Variants in CLIC5 observed in about 807,000 individuals in gnomAD.
CLIC5 encodes the protein CLIC family member 5.
CLIC5 carries 20 observed loss-of-function variants against 24.7 expected under a neutral mutation model. That is an observed-to-expected ratio of 0.81 (90% CI 0.57 to 1.18). CLIC5 has a LOEUF of 1.18. CLIC5 is among the 50% of genes most tolerant of loss of function. The pLI is 0.00. For missense variants in CLIC5, 341 were observed against 326.1 expected (o/e 1.05, Z -0.35); for synonymous variants, 159 against 135.6 (o/e 1.17, Z -1.20).
intron 1 of CLIC5, among the ~76,000 whole-genome samples, chr6:46,067,806 G>A (rs979151797): frequency 6.6e-6 from 1 of 152,120 alleles, no homozygotes; most frequent in Admixed American, 6.5e-5. Context: ...TTGCATCAAG[G>A]GGGAAATATG....
intron 3 of CLIC5, among the ~76,000 whole-genome samples, chr6:45,944,864 G>A (rs1254526315): frequency 7.2e-5 from 11 of 152,120 alleles, no homozygotes; most frequent in Admixed American, 3.9e-4. Context: ...TTTTTCTCAC[G>A]AGCTGAAAAG....
chr6:46,079,424 T>A (rs542513574), intron 1 of CLIC5, among the ~76,000 whole-genome samples: 1 of 152,348 alleles, frequency 6.6e-6, no homozygotes, highest in East Asian at 1.9e-4. Context: ...TGGGCAGCAG[T>A]TATGGCTCAC....
Position 46,079,860 on chromosome 6 carries a change from C to T in CLIC5, c.383G>A (p.Gly128Glu), listed in dbSNP as rs1264703376. ...AGGCAGATCTTCCTTCATCACACTC[C>T]CATTCTCCTGGAGTTCTGCTGCGCA... Residue 128 changes from glycine (G) to glutamate (E), a missense_variant, in exon 1 of 6, where the codon GGG becomes GAG. Coordinates refer to the CLIC5 transcript ENST00000185206. The T allele has an allele frequency of 3.9e-6, 6 of 1,552,044 alleles. No individual in the cohort carries two copies. In the African/African-American group the frequency reaches 6.8e-5, roughly 18 times the overall value.
At chr6:46,111,649 A>G in the CLIC5 span, among the ~76,000 whole-genome samples, 9 of 152,158 alleles carry the variant, frequency 5.9e-5, no homozygotes, top group African/African-American at 2.2e-4. Flanking sequence ...ATCTAACAAC[A>G]TTTAACCCAA....
In CLIC5 at chr6:45,941,599, G is replaced by C. The variant is rs766523811; in HGVS notation, c.354C>G (p.Ile118Met). The C allele has an allele frequency of 1.2e-6, 2 of 1,613,998 alleles. No individual in the cohort carries two copies. The highest frequency in any genetic ancestry group is 2.2e-5 in the South Asian group (2 of 91,052). The change falls in exon 4 of 6, where the codon ATC becomes ATG. Residue 118 changes from isoleucine (I) to methionine (M), a missense_variant. Physicochemically the swap from Ile to Met is conservative, Grantham distance 10. Transcript: ENST00000339561. ...HRESNTAGID[I>M]FSKFSAYIKN... Reference sequence around the variant, plus strand: ...TGATGTAGGCAGAAAACTTGGAAAAGATGTCGATGCCCGCTGTGTTGGATT... The same window carrying C: ...TGATGTAGGCAGAAAACTTGGAAAACATGTCGATGCCCGCTGTGTTGGATT...
At chr6:46,068,841 C>T (rs1436198113) in intron 1 of CLIC5, among the ~76,000 whole-genome samples, 1 of 152,124 alleles carries the variant, frequency 6.6e-6, no homozygotes, top group African/African-American at 2.4e-5. Context: ...ACCAACCCTG[C>T]CAACACCTTG....
At chr6:46,056,916 C>T (rs1390835368) in intron 1 of CLIC5, among the ~76,000 whole-genome samples, 2 of 152,176 alleles carry the variant, frequency 1.3e-5, no homozygotes, top group Admixed American at 6.5e-5. Flanking sequence ...ACCCTCCTCA[C>T]CCCCCAAAAA....
At chr6:45,967,912 T>G (rs968176240) in intron 1 of CLIC5, among the ~76,000 whole-genome samples, 1 of 152,062 alleles carries the variant, frequency 6.6e-6, no homozygotes, top group Non-Finnish European at 1.5e-5. Flanking sequence ...AACCCCATGA[T>G]CCAAACACCT....
intron 1 of CLIC5, among the ~76,000 whole-genome samples, chr6:46,056,462 A>G (rs1364757627): frequency 6.6e-6 from 1 of 152,144 alleles, no homozygotes; most frequent in African/African-American, 2.4e-5. Context: ...CAAACTAGCC[A>G]GGTACCCTCA....
intron 1 of CLIC5, 110 bp from the exon 2 acceptor site, chr6:45,955,354 C>T (rs918267577): frequency 1.4e-6 from 1 of 716,552 alleles, no homozygotes. Context: ...AAACCATGTC[C>T]CAGCAACTTC....
At chr6:46,005,427 T>C (rs1173976611) in intron 1 of CLIC5, among the ~76,000 whole-genome samples, 2 of 152,136 alleles carry the variant, frequency 1.3e-5, no homozygotes, top group East Asian at 1.9e-4. Flanking sequence ...TGCAAAGGCC[T>C]CCCACGCCAA....
At chr6:46,061,808 A>G (rs890234606) in intron 1 of CLIC5, among the ~76,000 whole-genome samples, 59 of 152,194 alleles carry the variant, frequency 3.9e-4, no homozygotes, top group African/African-American at 1.4e-3. Context: ...CTTTTCTCCA[A>G]TGGTTTCTTT....
chr6:45,904,399 G>A lies in CLIC5; in HGVS notation c.589-1144C>T, dbSNP rs548509417. Among the ~76,000 whole-genome samples the A allele has an allele frequency of 4.0e-5, 6 of 151,840 alleles. No homozygotes were observed. In the South Asian group the frequency reaches 6.3e-4, roughly 16 times the overall value. ...TCTTTAATGAGGTCTCTCTAGCTGC[G>A]GCAGCTTCATGGACCTGTGACCTGT... On this transcript the variant is annotated intron_variant, in intron 5 of 5. Transcript: ENST00000339561.
At chr6:45,976,328 G>T (rs961894291) in intron 1 of CLIC5, among the ~76,000 whole-genome samples, 2 of 152,100 alleles carry the variant, frequency 1.3e-5, no homozygotes, top group South Asian at 2.1e-4. Context: ...TGGTAGATTT[G>T]TTTTTTGTCT....
At chr6:45,959,506 G>A (rs1319769111) in intron 1 of CLIC5, among the ~76,000 whole-genome samples, 1 of 152,026 alleles carries the variant, frequency 6.6e-6, no homozygotes, top group Admixed American at 6.6e-5. Context: ...TTTAGTTGGG[G>A]TATATGGGGC....
At chr6:45,931,369 G>A (rs554866178) in intron 4 of CLIC5, among the ~76,000 whole-genome samples, 15 of 152,270 alleles carry the variant, frequency 9.9e-5, no homozygotes, top group South Asian at 6.2e-4. Flanking sequence ...CTATCCCAGG[G>A]CAATTTAGAA....
At chr6:45,983,299 T>G (rs943299315) in intron 1 of CLIC5, among the ~76,000 whole-genome samples, 1 of 152,192 alleles carries the variant, frequency 6.6e-6, no homozygotes, top group Non-Finnish European at 1.5e-5. Context: ...GCATATATTC[T>G]GGGACAGGGT....
intron 1 of CLIC5, among the ~76,000 whole-genome samples, chr6:45,956,690 C>T (rs530860932): frequency 1.3e-5 from 2 of 152,218 alleles, no homozygotes; most frequent in African/African-American, 4.8e-5. Flanking sequence ...GAACTTTTGA[C>T]AGTGTTGGCT....
intron 1 of CLIC5, among the ~76,000 whole-genome samples, chr6:45,994,577 CCTGCACGTT>C (rs994096164): frequency 6.6e-6 from 1 of 151,976 alleles, no homozygotes; most frequent in Non-Finnish European, 1.5e-5. Context: ...ATGGAACAAA[CCTGCACGTT>C]CTGCACGTGT....
Sources: gnomAD v4.1 joint callset for allele counts (sites outside exome capture counted in the v4.1 genomes callset) on GRCh38, gnomAD v4.1.1 for gene constraint, MANE v1.5 for transcripts, NCBI Gene and HGNC (gene_info 2026-07-23, HGNC 2026-07-21) for gene names.